MMAA: variants seen among roughly 807,000 people sequenced by gnomAD.
MMAA encodes the protein methylmalonic aciduria type A protein, mitochondrial.
MMAA carries 41 observed loss-of-function variants against 45.0 expected under a neutral mutation model. The observed-to-expected ratio is 0.91, with a 90% confidence interval of 0.71 to 1.18. MMAA has a LOEUF of 1.18. Among genes scored for constraint, MMAA ranks in the 50% most tolerant of loss-of-function variants. The pLI is 0.00. For synonymous variants in MMAA, 154 were observed against 178.2 expected, an observed-to-expected ratio of 0.86 and a Z score of 1.08; for missense variants, 460 against 495.7, an observed-to-expected ratio of 0.93 and a Z score of 0.68.
chr4:145,646,790 G>A (rs1727937710), intron 4 of MMAA, among the ~76,000 whole-genome samples: 1 of 152,198 alleles, frequency 6.6e-6, no homozygotes, highest in African/African-American at 2.4e-5. Context: ...CATTTGCAAA[G>A]ATACACGGGA....
intron 2 of MMAA, among the ~76,000 whole-genome samples, chr4:145,640,266 C>T (rs1727743558): frequency 6.6e-6 from 1 of 152,068 alleles, no homozygotes. Flanking sequence ...GCATGCACTA[C>T]CATGCCCAGC....
At chr4:145,639,635 G>GT (rs1271439837) in intron 2 of MMAA, 57 bp downstream of exon 2, 5 of 1,548,116 alleles carry the variant, frequency 3.2e-6, no homozygotes, top group South Asian at 2.5e-5. Flanking sequence ...TCTGTATTCT[G>GT]TTTTTTAAAA....
intron 1 of MMAA, among the ~76,000 whole-genome samples, chr4:145,629,712 A>C (rs189890066): frequency 1.7e-3 from 253 of 152,322 alleles, no homozygotes; most frequent in Non-Finnish European, 3.0e-3. Flanking sequence ...GTCATGGCGG[A>C]AGGCAAGAAG....
intron 2 of MMAA, 160 bp from the exon 3 acceptor site, chr4:145,642,203 C>T (rs1440585445): frequency 7.3e-6 from 6 of 819,840 alleles, no homozygotes; most frequent in Non-Finnish European, 1.2e-5. Flanking sequence ...ATTAAAGAAA[C>T]AGATTTTTAT....
At chr4:145,626,135 G>T (rs1238475157) in intron 1 of MMAA, 6 of 509,422 alleles carry the variant, frequency 1.2e-5, no homozygotes, top group Non-Finnish European at 1.7e-5. Context: ...GCCCAAAGCT[G>T]ATTCGATTAT....
chr4:145,649,919 A>G (rs1728042950), intron 4 of MMAA, among the ~76,000 whole-genome samples: 1 of 152,168 alleles, frequency 6.6e-6, no homozygotes, highest in Non-Finnish European at 1.5e-5. Context: ...CTGGGACTAC[A>G]GGTATACCAC....
Position 145,646,202 on chromosome 4 carries a change from G to A in MMAA, c.733+46G>A, listed in dbSNP as rs181243452. The stretch of plus-strand genomic sequence containing the variant: ...CATAACAATGTACTATTTTATGAAT[G>A]CTATATAAAGATGAGTGACAACTTA... On this transcript the variant is annotated intron_variant, in intron 4 of 6. Transcript: ENST00000649156. 42 of 1,605,994 alleles carry A rather than the reference G, an allele frequency of 2.6e-5. No homozygotes were observed. The East Asian group carries it at 8.9e-4, about 34-fold the overall frequency.
In MMAA at chr4:145,639,470, A is replaced by G. The variant is rs778062592; in HGVS notation, c.331A>G (p.Thr111Ala). 2.5e-6 allele frequency: 4 copies of G among 1,614,192 alleles called. No individual in the cohort carries two copies. In the South Asian group the frequency reaches 4.4e-5, roughly 18 times the overall value. The change falls in exon 2 of 7, where the codon ACT (threonine) becomes GCT (alanine). Residue 111 changes from threonine (T) to alanine (A), a missense_variant. Transcript: ENST00000649156. ...AGAGGCCATAACTCTTGTAGAATCA[A>G]CTCACAGCAGGAAAAAGGAGTTAGC... Reference protein sequence around the residue: ...LAEAITLVESTHSRKKELAQV... With the variant: ...LAEAITLVESAHSRKKELAQV...
intron 4 of MMAA, among the ~76,000 whole-genome samples, chr4:145,648,126 G>A (rs1727986500): frequency 7.0e-6 from 1 of 143,660 alleles, no homozygotes; most frequent in Middle Eastern, 4.1e-3. Flanking sequence ...CCCATTACAG[G>A]TGTGATCCAC....
Position 145,659,776 on chromosome 4 carries a change from A to T in MMAA, c.*4342A>T, listed in dbSNP as rs1451001283. The T allele has an allele frequency of 6.6e-6, 1 of 152,194 alleles. No individual in the cohort carries two copies. The highest frequency in any genetic ancestry group is 6.5e-5 in the Admixed American group (1 of 15,286). 9.4% of individuals were successfully genotyped at this position (152,194 alleles called of 1,614,324 possible). On this transcript the variant is annotated 3_prime_UTR_variant, in exon 7 of 7. Transcript: ENST00000649156. The stretch of plus-strand genomic sequence containing the variant: ...TCAAATCGGAGTACTTAGCATATCT[A>T]TCATCTCGTGCATTTATCATTTCTT...
In MMAA at chr4:145,658,307, T is replaced by C. The variant is rs1055288903; in HGVS notation, c.*2873T>C. The C allele has an allele frequency of 1.3e-5, 2 of 152,174 alleles. No individual in the cohort carries two copies. Among genetic ancestry groups the C allele is most frequent in the Non-Finnish European group, 2.9e-5 (2 of 68,024 alleles). 9.4% of individuals were successfully genotyped at this position (152,174 alleles called of 1,614,324 possible). A position where few individuals can be genotyped will look rare whatever the true frequency, so the allele number is the denominator to read the frequency against. On this transcript the variant is annotated 3_prime_UTR_variant, in exon 7 of 7. Transcript: ENST00000649156. ...ATACATATCTGACAATAAATGGTAGTTATCTCTTAGAACTGTTATGAGGAT... is the reference window on the plus strand; with the variant it reads ...ATACATATCTGACAATAAATGGTAGCTATCTCTTAGAACTGTTATGAGGAT...
chr4:145,637,662 A>G (rs890690470), intron 1 of MMAA, among the ~76,000 whole-genome samples: 4 of 152,338 alleles, frequency 2.6e-5, no homozygotes, highest in Non-Finnish European at 5.9e-5. Context: ...GTGCTTGAAA[A>G]TCAACCAAAA....
chr4:145,652,119 A>G (rs1182218164), intron 5 of MMAA, among the ~76,000 whole-genome samples: 1 of 152,102 alleles, frequency 6.6e-6, no homozygotes, highest in African/African-American at 2.4e-5. Context: ...AATCAGGACC[A>G]TCCAAATGAA....
In MMAA at chr4:145,635,594, CTTTG is replaced by C. The variant is rs1353610033; in HGVS notation, c.-65-3476_-65-3473del. ...TCTGACCCTGACCACCTCTGTCACT[CTTTG>C]TTTGAACACAGCTTGTTTGGTAATA... On this transcript the variant is annotated intron_variant, in intron 1 of 6. Transcript: ENST00000649156. Among the ~76,000 whole-genome samples, 4 of 152,296 alleles carry C rather than the reference CTTTG, an allele frequency of 2.6e-5. No homozygotes were observed. The South Asian group carries it at 6.2e-4, about 24-fold the overall frequency.
chr4:145,637,363 GT>G (rs1370451691), intron 1 of MMAA, among the ~76,000 whole-genome samples: 2 of 152,038 alleles, frequency 1.3e-5, no homozygotes, highest in African/African-American at 4.8e-5. Context: ...TTTTAAAATT[GT>G]TTTTTAGAAA....
At chr4:145,638,073 A>C (rs1264292735) in intron 1 of MMAA, among the ~76,000 whole-genome samples, 1 of 152,216 alleles carries the variant, frequency 6.6e-6, no homozygotes, top group African/African-American at 2.4e-5. Context: ...ATATCATCAT[A>C]AAAAAGATCC....
intron 1 of MMAA, chr4:145,626,138 T>G (rs1049029717): frequency 2.0e-6 from 1 of 507,232 alleles, no homozygotes; most frequent in Non-Finnish European, 3.5e-6. Flanking sequence ...CAAAGCTGAT[T>G]CGATTATTGA....
intron 4 of MMAA, chr4:145,650,338 C>T (rs1728056579): frequency 6.6e-6 from 1 of 152,324 alleles, no homozygotes; most frequent in South Asian, 2.1e-4. Flanking sequence ...GCAGAGGAGG[C>T]AGTAAGGCTG....
intron 4 of MMAA, among the ~76,000 whole-genome samples, chr4:145,649,092 C>T (rs1728019071): frequency 6.8e-6 from 1 of 147,128 alleles, no homozygotes; most frequent in African/African-American, 2.5e-5. Flanking sequence ...AGTTTGAGAC[C>T]AGCCTGGGCA....
Sources: gnomAD v4.1 joint callset for allele counts (sites outside exome capture counted in the v4.1 genomes callset) on GRCh38, gnomAD v4.1.1 for gene constraint, MANE v1.5 for transcripts, NCBI Gene and HGNC (gene_info 2026-07-23, HGNC 2026-07-21) for gene names.